CAMSAP3: variants seen among roughly 807,000 people sequenced by gnomAD.
CAMSAP3 encodes calmodulin regulated spectrin associated protein family member 3.
CAMSAP3 carries 34 observed loss-of-function variants against 112.5 expected under a neutral mutation model. The observed-to-expected ratio is 0.30, with a 90% CI of 0.23 to 0.40. The LOEUF (loss-of-function observed/expected upper bound fraction) is 0.40. CAMSAP3 is among the 10% of genes least tolerant of loss of function. The probability of loss-of-function intolerance (pLI) is 1.00; values close to 1 mark genes in which losing one functional copy is unlikely to be tolerated. For synonymous variants in CAMSAP3, 868 were observed against 799.8 expected, an observed-to-expected ratio of 1.09 and a Z score of -1.44; for missense variants, 1,602 against 1,770.3, an observed-to-expected ratio of 0.90 and a Z score of 1.71.
chr19:7,613,708 G>A (rs923940334), intron 11 of CAMSAP3, among the ~76,000 whole-genome samples: 1 of 151,994 alleles, frequency 6.6e-6, no homozygotes, highest in Admixed American at 6.5e-5. Context: ...GTGATGGACA[G>A]ATAGACGGAC....
rs1392123870 is a variant in CAMSAP3 at position 7,610,373 on chromosome 19, CAT to C, written c.761-101_761-100del. 2 of 1,025,090 alleles carry C rather than the reference CAT, an allele frequency of 2.0e-6. No homozygotes were observed. The highest frequency in any genetic ancestry group is 2.9e-6 in the Non-Finnish European group (2 of 698,248). 63.5% of individuals were successfully genotyped at this position (1,025,090 alleles called of 1,614,324 possible). A position where few individuals can be genotyped will look rare whatever the true frequency, so the allele number is the denominator to read the frequency against. On this transcript the variant is annotated intron_variant, in intron 5 of 16. Coordinates refer to ENST00000160298, the MANE Select transcript of CAMSAP3 (RefSeq NM_020902.2). The surrounding 1 kb of genome is among the most constrained non-coding windows in gnomAD (Gnocchi z 4.9). ...AAGGGCACCTGGCAGAAGCTGGGCT[CAT>C]AGGAGGTCTTCCGTGTGTGGGGGAC...
intron 1 of CAMSAP3, among the ~76,000 whole-genome samples, chr19:7,601,157 A>C (rs2029949345): frequency 6.6e-6 from 1 of 152,170 alleles, no homozygotes; most frequent in African/African-American, 2.4e-5. Flanking sequence ...AGTGTAAAAT[A>C]TCTTATGAAT....
rs757060717 is a variant in CAMSAP3, at chr19:7,605,210, C to T, written c.149-16C>T. The T allele has an allele frequency of 7.9e-6, 12 of 1,509,478 alleles. No homozygotes were observed. The South Asian group carries it at 1.4e-4, about 18-fold the overall frequency. 93.5% of individuals were successfully genotyped at this position (1,509,478 alleles called of 1,614,324 possible). ...GGTGACCCTGACCCCCGTGTTTCCC[C>T]TCTATGCCCCCACAGAGCACGTGCC... On this transcript the variant is annotated splice_polypyrimidine_tract_variant and intron_variant, in intron 1 of 16. Transcript: ENST00000160298.
chr19:7,611,829 C>T lies in CAMSAP3; in HGVS notation c.1336C>T (p.Pro446Ser), dbSNP rs760785616. The change falls in exon 11 of 17, where the codon CCC becomes TCC. Residue 446 changes from proline to serine, a missense_variant. By Grantham distance (74) the Pro-to-Ser change is moderately conservative. Coordinates refer to ENST00000160298, the MANE Select transcript of CAMSAP3 (RefSeq NM_020902.2). This position sits in a 1 kb window ranked among gnomAD's most constrained non-coding sequence, Gnocchi z 6.9. ...CCCGCGTCCCGCGCCGGCCAGGACC[C>T]CCACCCAGCCACCCCCGGAGCCTGG... ...GPPRPAPART[P>S]TQPPPEPGDL... 3.8e-6 allele frequency: 6 copies of T among 1,584,566 alleles called. No homozygotes were observed. The South Asian group carries it at 4.6e-5, about 12-fold the overall frequency.
Position 7,605,208 on chromosome 19 carries a change from C to T in CAMSAP3, c.149-18C>T. 6.8e-7 allele frequency: 1 copy of T among 1,481,000 alleles called. No homozygotes were observed. Among genetic ancestry groups the T allele is most frequent in the Non-Finnish European group, 9.0e-7 (1 of 1,105,970 alleles). 91.7% of individuals were successfully genotyped at this position (1,481,000 alleles called of 1,614,324 possible). On this transcript the variant is annotated intron_variant, in intron 1 of 16. Transcript: ENST00000160298. ...CTGGTGACCCTGACCCCCGTGTTTC[C>T]CCTCTATGCCCCCACAGAGCACGTG...
intron 2 of CAMSAP3, 110 bp downstream of exon 2, chr19:7,605,589 C>A (rs1425599058): frequency 8.0e-7 from 1 of 1,249,126 alleles, no homozygotes; most frequent in Non-Finnish European, 1.0e-6. Flanking sequence ...AGTCTTGGCT[C>A]CTTTCAAGCT....
chr19:7,601,920 C>T (rs1250466493), intron 1 of CAMSAP3, among the ~76,000 whole-genome samples: 4 of 151,496 alleles, frequency 2.6e-5, no homozygotes, highest in Non-Finnish European at 5.9e-5. Flanking sequence ...AAAAAGTAGC[C>T]GGGCATGGTG....
chr19:7,613,612 GA>G (rs1488229701), intron 11 of CAMSAP3, among the ~76,000 whole-genome samples: 3 of 151,802 alleles, frequency 2.0e-5, no homozygotes, highest in Non-Finnish European at 4.4e-5. Flanking sequence ...GGACAAGGGG[GA>G]TAGATAGATG....
chr19:7,609,104 G>A (rs1238662008), intron 5 of CAMSAP3, among the ~76,000 whole-genome samples: 4 of 151,556 alleles, frequency 2.6e-5, no homozygotes, highest in African/African-American at 7.3e-5. Flanking sequence ...GGTGGATCAC[G>A]AGGTCACGAG....
In CAMSAP3 at chr19:7,605,489, G is replaced by C. The variant is rs769249987; in HGVS notation, c.402+10G>C. The C allele has an allele frequency of 6.9e-7, 1 of 1,452,972 alleles. No homozygotes were observed. Among genetic ancestry groups the C allele is most frequent in the South Asian group, 1.5e-5 (1 of 67,256 alleles). 90.0% of individuals were successfully genotyped at this position (1,452,972 alleles called of 1,614,324 possible). ...CCAGCCCATTCTCATGGTAGGCCCC[G>C]CCACTGCCTGTTAGACCACGCCTAC... On this transcript the variant is annotated intron_variant, in intron 2 of 16. Coordinates refer to ENST00000160298, the MANE Select transcript of CAMSAP3 (RefSeq NM_020902.2).
chr19:7,616,790 G>T (rs2030815147), intron 14 of CAMSAP3, among the ~76,000 whole-genome samples, 168 bp downstream of exon 14: 1 of 152,086 alleles, frequency 6.6e-6, no homozygotes, highest in African/African-American at 2.4e-5. Flanking sequence ...GGCATAGTCT[G>T]TACCTGGCAG....
chr19:7,599,044 G>C (rs2029862479), intron 1 of CAMSAP3, among the ~76,000 whole-genome samples: 1 of 151,882 alleles, frequency 6.6e-6, no homozygotes. Context: ...GGTGGCATGG[G>C]CTTGTAGTCC....
chr19:7,611,478 C>A lies in CAMSAP3; in HGVS notation c.1124-39C>A. 1 of 1,556,638 alleles carries A rather than the reference C, an allele frequency of 6.4e-7. No homozygotes were observed. The highest frequency in any genetic ancestry group is 1.2e-5 in the South Asian group (1 of 82,882). On this transcript the variant is annotated intron_variant, in intron 9 of 16. Transcript: ENST00000160298. The surrounding 1 kb of genome is among the most constrained non-coding windows in gnomAD (Gnocchi z 6.9). ...ATGCTGGCTGACCCCACTCAGGGTT[C>A]CCAGGGTCCCCATAGTGACCACTCA...
At position 7,612,742 on chromosome 19, in the gene CAMSAP3, CG is replaced by C; in HGVS notation, c.2253del (p.Ala754LeufsTer41). On this transcript the variant is annotated frameshift_variant, in exon 11 of 17. Coordinates refer to ENST00000160298, the MANE Select transcript of CAMSAP3 (RefSeq NM_020902.2). LOFTEE classifies it high-confidence loss of function. The stretch of plus-strand genomic sequence containing the variant: ...GCGTGGGTCATCCCTGGCCCCACGA[CG>C]GGGCCCAAAGCTGCATCCCCCAGCC... ...PAAWVIPGPT[T>X]GPKAASPSPA... 6.5e-7 allele frequency: 1 copy of C among 1,532,152 alleles called. No individual in the cohort carries two copies. Among genetic ancestry groups the C allele is most frequent in the Non-Finnish European group, 8.7e-7 (1 of 1,144,714 alleles). 94.9% of individuals were successfully genotyped at this position (1,532,152 alleles called of 1,614,324 possible). A position where few individuals can be genotyped will look rare whatever the true frequency, so the allele number is the denominator to read the frequency against.
intron 1 of CAMSAP3, among the ~76,000 whole-genome samples, chr19:7,596,774 G>T (rs2024452226): frequency 6.6e-6 from 1 of 152,136 alleles, no homozygotes; most frequent in Admixed American, 6.5e-5. Flanking sequence ...GCGACTTATG[G>T]CCCCATTTTA....
rs1297699960 is a variant in CAMSAP3, at chr19:7,607,080, A to T, written c.621+509A>T. Among the ~76,000 whole-genome samples the T allele has an allele frequency of 2.0e-5, 3 of 152,016 alleles. No individual in the cohort carries two copies. Among genetic ancestry groups the T allele is most frequent in the African/African-American group, 7.2e-5 (3 of 41,410 alleles). Reference sequence around the variant, plus strand: ...TTCCCCTCCCGTTATTCAGAAGGGCAAGCCCTCCCCGTTCCCATTAATGAA... The same window carrying T: ...TTCCCCTCCCGTTATTCAGAAGGGCTAGCCCTCCCCGTTCCCATTAATGAA... On this transcript the variant is annotated intron_variant, in intron 4 of 16. Transcript: ENST00000160298. The surrounding 1 kb of genome is among the most constrained non-coding windows in gnomAD (Gnocchi z 4.9).
rs751962773 is a variant in CAMSAP3, at chr19:7,610,661, C to T, written c.901-39C>T. 6.2e-7 allele frequency: 1 copy of T among 1,613,750 alleles called. No individual in the cohort carries two copies. The highest frequency in any genetic ancestry group is 1.1e-5 in the South Asian group (1 of 91,076). On this transcript the variant is annotated intron_variant, in intron 6 of 16. Coordinates refer to ENST00000160298, the MANE Select transcript of CAMSAP3 (RefSeq NM_020902.2). The surrounding 1 kb of genome is among the most constrained non-coding windows in gnomAD (Gnocchi z 4.9). ...CCTGGGCCGAGGCGGGCATCTGGGGCCAGGGGTCCCGTCTGCTGACCCGGC... is the reference window on the plus strand; with the variant it reads ...CCTGGGCCGAGGCGGGCATCTGGGGTCAGGGGTCCCGTCTGCTGACCCGGC...
Position 7,617,497 on chromosome 19 carries a change from C to G in CAMSAP3, c.3326-46C>G. On this transcript the variant is annotated intron_variant, in intron 15 of 16. Coordinates refer to ENST00000160298, the MANE Select transcript of CAMSAP3 (RefSeq NM_020902.2). The surrounding 1 kb of genome is among the most constrained non-coding windows in gnomAD (Gnocchi z 7.5). The stretch of plus-strand genomic sequence containing the variant: ...CAGGCACCCTCCTCCACAGCCCCTG[C>G]TCATTCCTGCTGCCCCCCACCCCCT... 6.2e-7 allele frequency: 1 copy of G among 1,608,304 alleles called. No individual in the cohort carries two copies. Among genetic ancestry groups the G allele is most frequent in the Non-Finnish European group, 8.5e-7 (1 of 1,174,744 alleles).
rs1568450680 is a variant in CAMSAP3, at chr19:7,617,847, G to A, written c.3540G>A (p.Glu1180=). 1.9e-6 allele frequency: 3 copies of A among 1,613,976 alleles called. No individual in the cohort carries two copies. The highest frequency in any genetic ancestry group is 1.3e-5 in the African/African-American group (1 of 75,074). The part of the protein sequence containing the change: ...RALYTLSGET[E]ELSRLAGYGP... ...TCTACACGCTGTCGGGGGAGACAGA[G>A]GAGCTGTCGCGGCTGGCAGGGTATG... The change falls in exon 17 of 17, where the codon GAG becomes GAA. Residue 1180 remains glutamate (E), a synonymous_variant. Transcript: ENST00000160298. The surrounding 1 kb of genome is among the most constrained non-coding windows in gnomAD (Gnocchi z 7.5).
Sources: allele counts gnomAD v4.1 joint callset (sites outside exome capture counted in the v4.1 genomes callset), GRCh38; gene constraint gnomAD v4.1.1; non-coding constraint Gnocchi (gnomAD v3.1); transcripts MANE v1.5; gene names NCBI Gene and HGNC (gene_info 2026-07-23, HGNC 2026-07-21).